UBE2G1: variants seen among roughly 807,000 people sequenced by gnomAD.
UBE2G1 encodes ubiquitin conjugating enzyme E2 G1.
In UBE2G1, 5 loss-of-function variants were observed where a neutral mutation model predicts 22.7. The ratio of observed to expected loss-of-function variants is 0.22; its 90% CI spans 0.12 to 0.46. UBE2G1 has a LOEUF of 0.46. Ranked by LOEUF, UBE2G1 falls within the 20% of genes least tolerant of loss-of-function variation. The probability of loss-of-function intolerance (pLI) is 0.99; values close to 1 mark genes in which losing one functional copy is unlikely to be tolerated. For missense variants in UBE2G1, 88 were observed against 203.9 expected, an observed-to-expected ratio of 0.43 and a Z score of 3.46; for synonymous variants, 74 against 67.5, an observed-to-expected ratio of 1.10 and a Z score of -0.47.
intron 1 of UBE2G1, among the ~76,000 whole-genome samples, chr17:4,347,447 G>A (rs375317100): frequency 1.4e-5 from 2 of 144,712 alleles, no homozygotes; most frequent in South Asian, 2.2e-4. Flanking sequence ...GTCATATTTC[G>A]GTAATTCTCA....
chr17:4,349,306 G>A (rs948130786), intron 1 of UBE2G1, among the ~76,000 whole-genome samples: 3 of 152,270 alleles, frequency 2.0e-5, no homozygotes, highest in African/African-American at 7.2e-5. Context: ...GGACTACCAT[G>A]AGAATGGTGT....
At chr17:4,366,165 G>C in intron 1 of UBE2G1, 106 bp downstream of exon 1, 1 of 1,241,748 alleles carries the variant, frequency 8.1e-7, no homozygotes, top group Non-Finnish European at 1.1e-6. Context: ...TCGCAGGCCC[G>C]GGCCCCTTCG....
At chr17:4,356,798 A>T (rs770681618) in intron 1 of UBE2G1, among the ~76,000 whole-genome samples, 1 of 152,240 alleles carries the variant, frequency 6.6e-6, no homozygotes, top group Non-Finnish European at 1.5e-5. Context: ...ATGTTAATAG[A>T]GCAACCATGT....
At chr17:4,357,375 G>A (rs1239406033) in intron 1 of UBE2G1, among the ~76,000 whole-genome samples, 1 of 151,870 alleles carries the variant, frequency 6.6e-6, no homozygotes, top group Non-Finnish European at 1.5e-5. Context: ...TGCATATATA[G>A]GAGAAAGCAC....
At chr17:4,293,059 A>G (rs950177555) in intron 3 of UBE2G1, among the ~76,000 whole-genome samples, 1 of 152,208 alleles carries the variant, frequency 6.6e-6, no homozygotes, top group Non-Finnish European at 1.5e-5. Flanking sequence ...GAGTTGTACA[A>G]TCAATACCAC....
At chr17:4,340,907 A>C (rs1178711192) in intron 1 of UBE2G1, among the ~76,000 whole-genome samples, 7 of 150,790 alleles carry the variant, frequency 4.6e-5, no homozygotes, top group South Asian at 2.1e-4. Flanking sequence ...AAAAAAAAAA[A>C]AAAAACAAAA....
intron 1 of UBE2G1, among the ~76,000 whole-genome samples, chr17:4,313,639 C>T (rs1969335943): frequency 6.6e-6 from 1 of 152,190 alleles, no homozygotes; most frequent in African/African-American, 2.4e-5. Flanking sequence ...CTCTCTCTCT[C>T]TCTCTGTCTT....
rs540801189 is a variant in UBE2G1, at chr17:4,360,814, G to A, written c.46+5457C>T. On this transcript the variant is annotated intron_variant, in intron 1 of 5. Coordinates refer to ENST00000396981, the MANE Select transcript of UBE2G1 (RefSeq NM_003342.5). Reference sequence around the variant, plus strand: ...TAATCCCAGCTACTGGGGAGGCTGAGGTAGGAGAATCACTTGAACCTGGGG... The same window carrying A: ...TAATCCCAGCTACTGGGGAGGCTGAAGTAGGAGAATCACTTGAACCTGGGG... 4.6e-5 allele frequency among the ~76,000 whole-genome samples: 7 copies of A among 152,326 alleles called. No homozygotes were observed. In the South Asian group the frequency reaches 1.4e-3, roughly 32 times the overall value.
chr17:4,282,647 A>G (rs925205151), intron 5 of UBE2G1, among the ~76,000 whole-genome samples, 151 bp downstream of exon 5: 2 of 152,236 alleles, frequency 1.3e-5, no homozygotes, highest in African/African-American at 4.8e-5. Context: ...AGCAGATTAT[A>G]CAGTAGTTTT....
chr17:4,292,823 C>A (rs1342920798), intron 3 of UBE2G1, among the ~76,000 whole-genome samples: 1 of 152,190 alleles, frequency 6.6e-6, no homozygotes, highest in Non-Finnish European at 1.5e-5. Context: ...CATCCTGATA[C>A]AGTAACTTCC....
At chr17:4,275,364 A>ATT (rs1194761486) in intron 5 of UBE2G1, among the ~76,000 whole-genome samples, 1 of 152,232 alleles carries the variant, frequency 6.6e-6, no homozygotes, top group East Asian at 1.9e-4. Flanking sequence ...TGCAACAGTC[A>ATT]TTTACATTTT....
At chr17:4,307,859 G>A (rs1401658593) in intron 1 of UBE2G1, among the ~76,000 whole-genome samples, 1 of 152,288 alleles carries the variant, frequency 6.6e-6, no homozygotes, top group Non-Finnish European at 1.5e-5. Flanking sequence ...CAAGAGAGGC[G>A]AGGAACTGGC....
chr17:4,304,541 G>A (rs1221135778), intron 2 of UBE2G1, among the ~76,000 whole-genome samples: 1 of 143,098 alleles, frequency 7.0e-6, no homozygotes, highest in Non-Finnish European at 1.6e-5. Context: ...GGCAACTATA[G>A]GAGTCTCAAA....
intron 1 of UBE2G1, among the ~76,000 whole-genome samples, chr17:4,340,905 A>C (rs1259155893): frequency 2.0e-5 from 3 of 150,672 alleles, no homozygotes; most frequent in East Asian, 1.9e-4. Context: ...AAAAAAAAAA[A>C]AAAAAAACAA....
chr17:4,305,573 C>T (rs539490808), intron 2 of UBE2G1, among the ~76,000 whole-genome samples: 167 of 152,328 alleles, frequency 1.1e-3, no homozygotes, highest in Non-Finnish European at 2.0e-3. Context: ...GACGGAGTCT[C>T]GCTCTGTCAC....
At chr17:4,305,662 C>A (rs574317795) in intron 2 of UBE2G1, among the ~76,000 whole-genome samples, 1 of 152,338 alleles carries the variant, frequency 6.6e-6, no homozygotes, top group East Asian at 1.9e-4. Context: ...CTGCCTCAGC[C>A]TCCTGAGCAG....
chr17:4,359,436 C>T (rs1969942274), intron 1 of UBE2G1, among the ~76,000 whole-genome samples: 1 of 152,118 alleles, frequency 6.6e-6, no homozygotes, highest in Non-Finnish European at 1.5e-5. Context: ...TTTCCGCTTA[C>T]AAAAATTAAC....
At chr17:4,286,697 T>C (rs1245808002) in intron 4 of UBE2G1, among the ~76,000 whole-genome samples, 5 of 152,184 alleles carry the variant, frequency 3.3e-5, no homozygotes, top group Non-Finnish European at 7.3e-5. Flanking sequence ...GTTAATAAAG[T>C]AATTTTTGCA....
chr17:4,298,942 A>T (rs1474730452), intron 2 of UBE2G1, among the ~76,000 whole-genome samples: 2 of 152,212 alleles, frequency 1.3e-5, no homozygotes, highest in East Asian at 3.8e-4. Context: ...TGAAGAGTGC[A>T]TTACACCAAA....
Sources: gnomAD v4.1 joint callset for allele counts (sites outside exome capture counted in the v4.1 genomes callset) on GRCh38, gnomAD v4.1.1 for gene constraint, MANE v1.5 for transcripts, NCBI Gene and HGNC (gene_info 2026-07-23, HGNC 2026-07-21) for gene names.